CLASP1: variants seen among roughly 807,000 people sequenced by gnomAD.
CLASP1 encodes CLIP-associating protein 1.
CLASP1 carries 38 observed loss-of-function variants against 192.3 expected under a neutral mutation model. That is an observed-to-expected ratio of 0.20 (90% CI 0.15 to 0.26). CLASP1 has a LOEUF of 0.26. Ranked by LOEUF, CLASP1 falls within the 10% of genes least tolerant of loss-of-function variation. The probability of loss-of-function intolerance (pLI) is 1.00; values close to 1 mark genes in which losing one functional copy is unlikely to be tolerated. For synonymous variants in CLASP1, 691 were observed against 712.8 expected (o/e 0.97, Z 0.49); for missense variants, 1,433 against 1,932.5 (o/e 0.74, Z 4.85).
chr2:121,613,235 T>G (rs367923348), intron 1 of CLASP1, among the ~76,000 whole-genome samples: 45 of 152,308 alleles, frequency 3.0e-4, no homozygotes, highest in African/African-American at 9.1e-4. Context: ...AACATCAACA[T>G]TCTCTGCCCC....
rs114589706 is a variant in CLASP1 at position 121,431,979 on chromosome 2, C to A, written c.1913-1802G>T. On this transcript the variant is annotated intron_variant, in intron 19 of 39. Coordinates refer to ENST00000263710, the Ensembl canonical transcript of CLASP1. ...ATAAATTTACTTAACGCTTTTCTTA[C>A]TGATTAAAATGCCTGATTGTTTATC... Among the ~76,000 whole-genome samples the A allele has an allele frequency of 4.6e-3, 693 of 152,218 alleles. 3 individuals are homozygous for A. The highest frequency in any genetic ancestry group is 0.016 in the African/African-American group (650 of 41,530).
chr2:121,429,419 G>A (rs1185319774), intron 20 of CLASP1, among the ~76,000 whole-genome samples: 1 of 152,212 alleles, frequency 6.6e-6, no homozygotes, highest in Middle Eastern at 3.2e-3. Flanking sequence ...CCCCTTAAAA[G>A]AGGAGGTGGG....
intron 2 of CLASP1, among the ~76,000 whole-genome samples, chr2:121,591,291 C>T (rs2062373314): frequency 6.6e-6 from 1 of 152,162 alleles, no homozygotes; most frequent in South Asian, 2.1e-4. Context: ...ATCATGAAGC[C>T]TGAAATCTCA....
intron 14 of CLASP1, among the ~76,000 whole-genome samples, chr2:121,455,582 T>G (rs913085325): frequency 6.6e-5 from 10 of 152,168 alleles, no homozygotes; most frequent in Admixed American, 2.6e-4. Flanking sequence ...TGATCTCACT[T>G]AAGTGTGGAA....
intron 19 of CLASP1, among the ~76,000 whole-genome samples, chr2:121,430,898 C>T (rs761174497): frequency 1.3e-5 from 2 of 150,698 alleles, no homozygotes; most frequent in Non-Finnish European, 2.9e-5. Flanking sequence ...TATTGAACCA[C>T]GAAGCCATAA....
At chr2:121,546,125 T>C (rs531261542) in intron 2 of CLASP1, among the ~76,000 whole-genome samples, 3 of 152,290 alleles carry the variant, frequency 2.0e-5, no homozygotes, top group African/African-American at 4.8e-5. Flanking sequence ...CTGTGATTTA[T>C]CACATCTCTA....
chr2:121,463,174 T>C (rs966769105), intron 9 of CLASP1, among the ~76,000 whole-genome samples: 6 of 152,216 alleles, frequency 3.9e-5, no homozygotes, highest in Non-Finnish European at 7.3e-5. Context: ...ATTAAAAGTA[T>C]TGGAGAAAGT....
At chr2:121,406,359 A>G (rs1391378896) in intron 25 of CLASP1, among the ~76,000 whole-genome samples, 1 of 152,232 alleles carries the variant, frequency 6.6e-6, no homozygotes, top group Non-Finnish European at 1.5e-5. Context: ...TTATCTCCTC[A>G]CTATGTACAT....
At chr2:121,531,593 CA>C (rs35331131) in intron 2 of CLASP1, among the ~76,000 whole-genome samples, 4,716 of 103,908 alleles carry the variant, frequency 0.045, 115 homozygotes, top group Non-Finnish European at 0.066. Context: ...GACTCCATCT[CA>C]AAAAAAAAAA....
chr2:121,452,821 A>G (rs1012406645), intron 14 of CLASP1, among the ~76,000 whole-genome samples: 5 of 152,210 alleles, frequency 3.3e-5, no homozygotes, highest in Admixed American at 2.6e-4. Flanking sequence ...ACAAATAAAA[A>G]TTTCTTTTTC....
intron 19 of CLASP1, among the ~76,000 whole-genome samples, chr2:121,436,198 G>A (rs562969351): frequency 4.0e-4 from 61 of 151,648 alleles, no homozygotes; most frequent in African/African-American, 1.4e-3. Flanking sequence ...CGCCTGGCTA[G>A]TTTTTGTATT....
chr2:121,405,146 T>G (rs1202801560), intron 25 of CLASP1, among the ~76,000 whole-genome samples: 3 of 151,990 alleles, frequency 2.0e-5, no homozygotes, highest in African/African-American at 7.3e-5. Context: ...CTGTCCCTAC[T>G]AAAAATAAAA....
chr2:121,559,894 TATC>T (rs1000495314), intron 2 of CLASP1, among the ~76,000 whole-genome samples: 8 of 151,702 alleles, frequency 5.3e-5, no homozygotes, highest in Non-Finnish European at 1.0e-4. Flanking sequence ...TCATCATCAT[TATC>T]ATCATCATCA....
chr2:121,482,355 A>T (rs1009363890), intron 8 of CLASP1, among the ~76,000 whole-genome samples: 2 of 152,150 alleles, frequency 1.3e-5, no homozygotes, highest in African/African-American at 4.8e-5. Context: ...TCTCCAAGTC[A>T]TGTCCAGGAG....
At chr2:121,496,307 C>T (rs921621809) in intron 8 of CLASP1, among the ~76,000 whole-genome samples, 1 of 152,174 alleles carries the variant, frequency 6.6e-6, no homozygotes, top group African/African-American at 2.4e-5. Flanking sequence ...GCTCTGTGGA[C>T]ATGCAGTGCT....
In CLASP1 at chr2:121,524,796, G is replaced by A. The variant is rs1462031834; in HGVS notation, c.546+1049C>T. ...TTTTCAACAAAGGCTGAAAAAGGGC[G>A]TGAGTGGAAGAAGAAAGCAGGGAGA... On this transcript the variant is annotated intron_variant, in intron 6 of 39. Coordinates refer to ENST00000263710, the Ensembl canonical transcript of CLASP1. Among the ~76,000 whole-genome samples the A allele has an allele frequency of 2.6e-5, 4 of 152,186 alleles. No homozygotes were observed. The East Asian group carries it at 5.8e-4, about 22-fold the overall frequency.
intron 1 of CLASP1, among the ~76,000 whole-genome samples, chr2:121,641,873 T>C (rs1265712101): frequency 6.6e-6 from 1 of 152,072 alleles, no homozygotes; most frequent in African/African-American, 2.4e-5. Flanking sequence ...AAGTCATAAA[T>C]ATGAGGCTGG....
intron 34 of CLASP1, among the ~76,000 whole-genome samples, chr2:121,375,598 A>G (rs1162856126): frequency 2.0e-5 from 3 of 152,038 alleles, no homozygotes; most frequent in African/African-American, 4.8e-5. Flanking sequence ...TCTTGACCTC[A>G]TGATCCACCC....
chr2:121,482,562 G>A (rs1234818087), intron 8 of CLASP1, among the ~76,000 whole-genome samples: 5 of 152,112 alleles, frequency 3.3e-5, no homozygotes, highest in African/African-American at 1.2e-4. Flanking sequence ...AAAAGCAAAG[G>A]AAGGGAACAC....
Sources: gnomAD v4.1 joint callset for allele counts (sites outside exome capture counted in the v4.1 genomes callset) on GRCh38, gnomAD v4.1.1 for gene constraint, MANE v1.5 for transcripts, NCBI Gene and HGNC (gene_info 2026-07-23, HGNC 2026-07-21) for gene names.